RIT2: variants seen among roughly 807,000 people sequenced by gnomAD.
The protein encoded by RIT2 is Ras like without CAAX 2, also known as GTP-binding protein Rit2.
In RIT2, 24 loss-of-function variants were observed where a neutral mutation model predicts 23.7. The observed-to-expected ratio is 1.01, with a 90% CI of 0.73 to 1.43. RIT2 has a LOEUF of 1.43. Among genes scored for constraint, RIT2 ranks in the 40% most tolerant of loss-of-function variants. The probability of loss-of-function intolerance (pLI) is 0.00; values close to 1 mark genes in which losing one functional copy is unlikely to be tolerated. For synonymous variants in RIT2, 107 were observed against 91.1 expected (o/e 1.17, Z -0.99); for missense variants, 236 against 266.9 (o/e 0.88, Z 0.81).
At chr18:43,023,087 C>T (rs1235503542) in intron 2 of RIT2, among the ~76,000 whole-genome samples, 1 of 152,026 alleles carries the variant, frequency 6.6e-6, no homozygotes, top group Admixed American at 6.6e-5. Flanking sequence ...GTTCTCTTAA[C>T]TTCCTTGGAC....
At position 43,014,042 on chromosome 18, in the gene RIT2, G is replaced by C. The variant is rs149490172; in HGVS notation, c.160+19769C>G. Among the ~76,000 whole-genome samples the C allele has an allele frequency of 2.5e-3, 380 of 151,828 alleles. 1 individual carries two copies. The highest frequency in any genetic ancestry group is 8.6e-3 in the African/African-American group (357 of 41,418). On this transcript the variant is annotated intron_variant, in intron 2 of 4. Transcript: ENST00000326695. ...AAGGCTCTGGAATTTCAAAATAAAA[G>C]ATAATTATGAAACCAATAATCACAT...
intron 1 of RIT2, among the ~76,000 whole-genome samples, chr18:43,070,780 T>C (rs1912880205): frequency 6.6e-6 from 1 of 152,218 alleles, no homozygotes; most frequent in Non-Finnish European, 1.5e-5. Flanking sequence ...ATAATGCCTG[T>C]GAGAAATACA....
chr18:43,022,724 C>T (rs902227070), intron 2 of RIT2, among the ~76,000 whole-genome samples: 12 of 151,712 alleles, frequency 7.9e-5, no homozygotes, highest in African/African-American at 2.9e-4. Flanking sequence ...TTGCTATAGC[C>T]CAGCTCAGAA....
At chr18:43,005,051 C>G (rs1911196003) in intron 2 of RIT2, among the ~76,000 whole-genome samples, 1 of 151,678 alleles carries the variant, frequency 6.6e-6, no homozygotes, top group Non-Finnish European at 1.5e-5. Flanking sequence ...ATCAATGCAG[C>G]TAAGAAAGAA....
At chr18:43,013,737 A>G (rs1911407045) in intron 2 of RIT2, among the ~76,000 whole-genome samples, 1 of 151,752 alleles carries the variant, frequency 6.6e-6, no homozygotes, top group African/African-American at 2.4e-5. Context: ...AATTTTCGGT[A>G]TCAAATGCTA....
chr18:43,070,630 G>C (rs181905940), intron 1 of RIT2, among the ~76,000 whole-genome samples: 1 of 152,258 alleles, frequency 6.6e-6, no homozygotes, highest in East Asian at 1.9e-4. Flanking sequence ...AGCTTTTATT[G>C]ATCTTGTTAT....
intron 4 of RIT2, among the ~76,000 whole-genome samples, chr18:42,778,067 C>A (rs1913716556): frequency 6.6e-6 from 1 of 152,104 alleles, no homozygotes; most frequent in Non-Finnish European, 1.5e-5. Flanking sequence ...TGGAAATTTG[C>A]TATTCAAAGC....
chr18:42,950,640 C>T (rs990149121), intron 3 of RIT2, among the ~76,000 whole-genome samples: 7 of 151,970 alleles, frequency 4.6e-5, no homozygotes, highest in South Asian at 2.1e-4. Context: ...TCACAAACCA[C>T]GCATCTGACA....
intron 4 of RIT2, among the ~76,000 whole-genome samples, chr18:42,754,006 T>C (rs1436239783): frequency 5.3e-5 from 8 of 152,116 alleles, no homozygotes; most frequent in Admixed American, 2.0e-4. Flanking sequence ...GGAAAACCAT[T>C]CTTGACAGAT....
chr18:43,012,943 ATTC>A (rs1911384151), intron 2 of RIT2, among the ~76,000 whole-genome samples: 1 of 151,812 alleles, frequency 6.6e-6, no homozygotes, highest in Non-Finnish European at 1.5e-5. Context: ...CATTTGAGAA[ATTC>A]TTCTGTCCAA....
At chr18:42,750,295 GT>G (rs1280443955) in intron 4 of RIT2, among the ~76,000 whole-genome samples, 1 of 151,716 alleles carries the variant, frequency 6.6e-6, no homozygotes, top group Non-Finnish European at 1.5e-5. Flanking sequence ...TCAGTATAGT[GT>G]TTCTTTGGAA....
chr18:43,104,327 G>A (rs1913758189), intron 1 of RIT2, among the ~76,000 whole-genome samples: 5 of 152,168 alleles, frequency 3.3e-5, no homozygotes. Context: ...CAAAATCACA[G>A]CTAGATGGGA....
chr18:42,923,406 T>C, intron 4 of RIT2, 166 bp downstream of exon 4: 1 of 678,176 alleles, frequency 1.5e-6, no homozygotes, highest in Non-Finnish European at 2.6e-6. Flanking sequence ...AAATATATTA[T>C]GGAGGCCAAC....
At chr18:42,913,197 CA>C (rs200722766) in intron 4 of RIT2, among the ~76,000 whole-genome samples, 138 of 103,276 alleles carry the variant, frequency 1.3e-3, no homozygotes, top group Middle Eastern at 0.011. Context: ...ATCCATCAGC[CA>C]AAAAAAAAAA....
intron 4 of RIT2, among the ~76,000 whole-genome samples, chr18:42,922,809 A>G (rs887393568): frequency 6.6e-5 from 10 of 152,146 alleles, no homozygotes; most frequent in South Asian, 2.1e-4. Flanking sequence ...GAGACTCTCT[A>G]TTGATCACAT....
intron 2 of RIT2, among the ~76,000 whole-genome samples, chr18:43,031,234 C>G (rs1911847319): frequency 6.6e-6 from 1 of 151,764 alleles, no homozygotes; most frequent in African/African-American, 2.4e-5. Flanking sequence ...ATTATCTGCT[C>G]TAAACTATGA....
chr18:43,064,680 G>A (rs1340196529), intron 1 of RIT2, among the ~76,000 whole-genome samples: 1 of 151,870 alleles, frequency 6.6e-6, no homozygotes, highest in Non-Finnish European at 1.5e-5. Context: ...GTCCCTATAA[G>A]GACACTTTTC....
intron 2 of RIT2, among the ~76,000 whole-genome samples, chr18:42,976,821 A>C (rs1008946723): frequency 6.6e-6 from 1 of 152,098 alleles, no homozygotes; most frequent in African/African-American, 2.4e-5. Flanking sequence ...CAGAAAGAAG[A>C]TTAAGTAAAT....
intron 4 of RIT2, among the ~76,000 whole-genome samples, chr18:42,806,486 A>G (rs1421474338): frequency 6.6e-6 from 1 of 152,118 alleles, no homozygotes; most frequent in African/African-American, 2.4e-5. Context: ...AAGAGAAGAA[A>G]AAAAGAATTT....
Sources: allele counts gnomAD v4.1 joint callset (sites outside exome capture counted in the v4.1 genomes callset), GRCh38; gene constraint gnomAD v4.1.1; transcripts MANE v1.5; gene names NCBI Gene and HGNC (gene_info 2026-07-23, HGNC 2026-07-21).